Variants in TPM3 observed in about 807,000 individuals in gnomAD.
TPM3 encodes tropomyosin 3.
A neutral mutation model predicts 43.1 loss-of-function variants in TPM3; 16 were observed. That is an observed-to-expected ratio of 0.37 (90% CI 0.25 to 0.56). The LOEUF (loss-of-function observed/expected upper bound fraction) is 0.56, where lower values mean the gene tolerates loss of function less well. TPM3 is among the 20% of genes least tolerant of loss of function. TPM3 has a pLI of 0.77. For missense variants in TPM3, 176 were observed against 337.2 expected (o/e 0.52, Z 3.74); for synonymous variants, 101 against 116.9 (o/e 0.86, Z 0.88).
intron 8 of TPM3, chr1:154,169,697 G>C (rs142895815): frequency 6.3e-6 from 3 of 478,314 alleles, no homozygotes; most frequent in East Asian, 7.9e-5. Context: ...CCAATTCCTA[G>C]CAGTGATAAC....
intron 2 of TPM3, among the ~76,000 whole-genome samples, chr1:154,181,146 T>G (rs892607678): frequency 2.0e-5 from 3 of 152,068 alleles, no homozygotes; most frequent in Admixed American, 6.5e-5. Flanking sequence ...GCACAGATAA[T>G]AAGAAGTTGT....
At chr1:154,178,227 G>A (rs1047379975) in intron 2 of TPM3, 5 of 982,964 alleles carry the variant, frequency 5.1e-6, no homozygotes, top group Non-Finnish European at 4.8e-6. Flanking sequence ...GCTATGGGGC[G>A]GGGGTGTACA....
Position 154,162,049 on chromosome 1 carries a change from G to A in TPM3, c.*5888C>T, listed in dbSNP as rs530144224. Among the ~76,000 whole-genome samples the A allele has an allele frequency of 6.6e-6, 1 of 152,186 alleles. No homozygotes were observed. Among genetic ancestry groups the A allele is most frequent in the East Asian group, 1.9e-4 (1 of 5,186 alleles). On this transcript the variant is annotated 3_prime_UTR_variant, in exon 10 of 10. Coordinates refer to ENST00000651641, the MANE Select transcript of TPM3 (RefSeq NM_152263.4). Reference sequence around the variant, plus strand: ...CAAGGCAGAGAACCTATTTGGTCTAGCGTTCTTTTCAGCTATATCTAATTA... The same window carrying A: ...CAAGGCAGAGAACCTATTTGGTCTAACGTTCTTTTCAGCTATATCTAATTA...
rs142806536 is a variant in TPM3 at position 154,172,725 on chromosome 1, C to T, written c.566+183G>A. 1.6e-3 allele frequency: 1,210 copies of T among 738,076 alleles called. 15 individuals carry two copies. The African/African-American group carries it at 0.018, about 11-fold the overall frequency. The allele number at this position is 738,076 out of a possible 1,614,324, so 45.7% of individuals were successfully genotyped here. ...AGAAAGCCTCTTTTGTCACTTGTCACTAGTCAGGAGAATAAGGAAGCCTAA... is the reference window on the plus strand; with the variant it reads ...AGAAAGCCTCTTTTGTCACTTGTCATTAGTCAGGAGAATAAGGAAGCCTAA... On this transcript the variant is annotated intron_variant, in intron 5 of 9. Transcript: ENST00000651641.
intron 2 of TPM3, among the ~76,000 whole-genome samples, chr1:154,188,537 C>T (rs1444489455): frequency 4.0e-5 from 6 of 150,884 alleles, no homozygotes; most frequent in Admixed American, 1.3e-4. Flanking sequence ...TAGCCGGGCG[C>T]GGTGGCGGGC....
intron 3 of TPM3, among the ~76,000 whole-genome samples, chr1:154,175,853 GTATTT>G (rs1344764187): frequency 6.6e-6 from 1 of 152,148 alleles, no homozygotes; most frequent in Admixed American, 6.5e-5. Flanking sequence ...GATGGAGTTA[GTATTT>G]TATTTTTATT....
Position 154,191,888 on chromosome 1 carries a change from A to G in TPM3, c.117+14T>C. The G allele has an allele frequency of 6.2e-7, 1 of 1,611,008 alleles. No homozygotes were observed. The highest frequency in any genetic ancestry group is 8.5e-7 in the Non-Finnish European group (1 of 1,177,928). On this transcript the variant is annotated intron_variant, in intron 1 of 9. Coordinates refer to ENST00000651641, the MANE Select transcript of TPM3 (RefSeq NM_152263.4). ...GTTCACTAGCAGATGAGAGAGATCA[A>G]TGCCAGTGCCTACCTGTTTACTTCT...
At chr1:154,171,593 T>G (rs1384289816) in intron 5 of TPM3, 105 bp from the exon 6 acceptor site, 35 of 1,201,030 alleles carry the variant, frequency 2.9e-5, no homozygotes, top group Non-Finnish European at 4.0e-5. Context: ...GTAGAGAGAG[T>G]TGGAAGGCAT....
downstream of TPM3, among the ~76,000 whole-genome samples, chr1:154,160,851 G>T (rs535452284): frequency 2.6e-5 from 4 of 152,250 alleles, no homozygotes; most frequent in South Asian, 8.3e-4. Flanking sequence ...CAAAGAAAAT[G>T]CTCATTGGAG....
downstream of TPM3, chr1:154,155,874 ACT>A (rs1659751743): frequency 4.7e-6 from 1 of 211,806 alleles, no homozygotes; most frequent in South Asian, 1.9e-4. Flanking sequence ...CTTCATGTTT[ACT>A]CTGACAATAC....
At position 154,182,122 on chromosome 1, in the gene TPM3, G is replaced by C. The variant is rs533295816; in HGVS notation, c.244-5874C>G. ...TGCCATACACTCGCTTATCAGCTCTGCTCGGAAGAAATGTTCTTAACCAGT... is the reference window on the plus strand; with the variant it reads ...TGCCATACACTCGCTTATCAGCTCTCCTCGGAAGAAATGTTCTTAACCAGT... On this transcript the variant is annotated intron_variant, in intron 2 of 9. Transcript: ENST00000651641. Among the ~76,000 whole-genome samples, 3 of 152,274 alleles carry C rather than the reference G, an allele frequency of 2.0e-5. No individual in the cohort carries two copies. The South Asian group carries it at 6.2e-4, about 32-fold the overall frequency.
chr1:154,170,598 T>C (rs1041318557), intron 7 of TPM3, 51 bp downstream of exon 7: 2 of 1,594,706 alleles, frequency 1.3e-6, no homozygotes, highest in Non-Finnish European at 1.7e-6. Flanking sequence ...ATTAATGCCT[T>C]ATATACCTCT....
In TPM3 at chr1:154,162,348, G is replaced by T. The variant is rs1033635077; in HGVS notation, c.*5589C>A. On this transcript the variant is annotated 3_prime_UTR_variant, in exon 10 of 10. Transcript: ENST00000651641. ...CCACCGCACTCCAGCCTGGGCAACA[G>T]AGCAAGACTCCGTCTCAAAAAAAAA... Among the ~76,000 whole-genome samples the T allele has an allele frequency of 1.4e-4, 16 of 118,334 alleles. No individual in the cohort carries two copies. The highest frequency in any genetic ancestry group is 5.3e-4 in the African/African-American group (16 of 30,338). 77.6% of individuals were successfully genotyped at this position (118,334 alleles called of 152,430 possible).
chr1:154,162,566 A>G lies in TPM3; in HGVS notation c.*5371T>C, dbSNP rs138488178. ...TTACTACATCTTATTCCTTATCTCA[A>G]TGATGGTAACAAGGAAGGGCAAAAT... On this transcript the variant is annotated 3_prime_UTR_variant, in exon 10 of 10. Coordinates refer to ENST00000651641, the MANE Select transcript of TPM3 (RefSeq NM_152263.4). Among the ~76,000 whole-genome samples the G allele has an allele frequency of 5.3e-5, 8 of 152,222 alleles. No homozygotes were observed. Among genetic ancestry groups the G allele is most frequent in the East Asian group, 3.9e-4 (2 of 5,182 alleles).
At chr1:154,191,573 A>G (rs1558068749) in intron 1 of TPM3, 1 of 1,344,194 alleles carries the variant, frequency 7.4e-7, no homozygotes, top group Non-Finnish European at 9.8e-7. Context: ...TAAAGTGTAG[A>G]TGCCCGTGAT....
At chr1:154,171,267 A>C in intron 6 of TPM3, 146 bp downstream of exon 6, 1 of 843,538 alleles carries the variant, frequency 1.2e-6, no homozygotes, top group Non-Finnish European at 2.0e-6. Flanking sequence ...AATAGCATTA[A>C]ACCCAGAACC....
chr1:154,170,106 G>A, intron 8 of TPM3: 1 of 421,814 alleles, frequency 2.4e-6, no homozygotes, highest in Non-Finnish European at 4.4e-6. Flanking sequence ...ACAGACTAAA[G>A]GTTTAAGACT....
Position 154,164,665 on chromosome 1 carries a change from T to C in TPM3, c.*3272A>G, listed in dbSNP as rs563851978. On this transcript the variant is annotated 3_prime_UTR_variant, in exon 10 of 10. Transcript: ENST00000651641. ...GTATTCACTGCTATAGTTACTTTAA[T>C]GTGATTAGGAAAAAACACTAACACA... 6.6e-6 allele frequency among the ~76,000 whole-genome samples: 1 copy of C among 152,310 alleles called. No homozygotes were observed. The highest frequency in any genetic ancestry group is 2.1e-4 in the South Asian group (1 of 4,834).
chr1:154,159,638 A>G (rs968056996), downstream of TPM3, among the ~76,000 whole-genome samples: 3 of 25,148 alleles, frequency 1.2e-4, no homozygotes, highest in African/African-American at 1.0e-3. Flanking sequence ...AAACCTGTTA[A>G]GAGTCAACAA....
Sources: gnomAD v4.1 joint callset for allele counts (sites outside exome capture counted in the v4.1 genomes callset) on GRCh38, gnomAD v4.1.1 for gene constraint, MANE v1.5 for transcripts, NCBI Gene and HGNC (gene_info 2026-07-23, HGNC 2026-07-21) for gene names.